Variants in CNTNAP5 observed in about 807,000 individuals in gnomAD.
CNTNAP5 encodes contactin-associated protein-like 5.
CNTNAP5 carries 72 observed loss-of-function variants against 150.2 expected under a neutral mutation model. The observed-to-expected ratio is 0.48, with a 90% CI of 0.40 to 0.58. The LOEUF is 0.58. Ranked by LOEUF, CNTNAP5 falls within the 20% of genes least tolerant of loss-of-function variation. The probability of loss-of-function intolerance (pLI) is 0.00; values close to 1 mark genes in which losing one functional copy is unlikely to be tolerated. For missense variants in CNTNAP5, 1,636 were observed against 1,626.2 expected (o/e 1.01, Z -0.10); for synonymous variants, 672 against 619.8 (o/e 1.08, Z -1.25).
intron 10 of CNTNAP5, among the ~76,000 whole-genome samples, chr2:124,545,773 A>G (rs953252258): frequency 5.3e-5 from 8 of 152,094 alleles, no homozygotes; most frequent in Admixed American, 1.3e-4. Context: ...CTTCAAAGCT[A>G]AGGATGGGTT....
intron 12 of CNTNAP5, among the ~76,000 whole-genome samples, chr2:124,628,823 C>G (rs1677785022): frequency 6.6e-6 from 1 of 152,158 alleles, no homozygotes; most frequent in Non-Finnish European, 1.5e-5. Flanking sequence ...AGACACATCT[C>G]ATGTCCAAAG....
At chr2:124,040,901 G>A (rs1681353834) in intron 1 of CNTNAP5, among the ~76,000 whole-genome samples, 1 of 152,132 alleles carries the variant, frequency 6.6e-6, no homozygotes, top group African/African-American at 2.4e-5. Flanking sequence ...TGTTGTATAT[G>A]AGTGGAATTC....
At chr2:124,429,078 C>A (rs1004499057) in intron 4 of CNTNAP5, among the ~76,000 whole-genome samples, 3 of 152,066 alleles carry the variant, frequency 2.0e-5, no homozygotes, top group Non-Finnish European at 2.9e-5. Context: ...AAAGAGATAT[C>A]CAGAAAAAGT....
intron 8 of CNTNAP5, among the ~76,000 whole-genome samples, chr2:124,518,350 A>G (rs1310552550): frequency 6.6e-6 from 1 of 152,234 alleles, no homozygotes; most frequent in Non-Finnish European, 1.5e-5. Flanking sequence ...AATTTCTGAC[A>G]TAAGTAGACA....
At chr2:124,069,238 CGAT>C (rs1682239901) in intron 1 of CNTNAP5, among the ~76,000 whole-genome samples, 2 of 152,130 alleles carry the variant, frequency 1.3e-5, no homozygotes, top group African/African-American at 4.8e-5. Flanking sequence ...ATGGTGGCCA[CGAT>C]GAGACTCCTC....
intron 13 of CNTNAP5, among the ~76,000 whole-genome samples, chr2:124,708,082 T>C (rs1679730752): frequency 6.6e-6 from 1 of 152,212 alleles, no homozygotes; most frequent in African/African-American, 2.4e-5. Flanking sequence ...TATTTACAAC[T>C]AGGCTTATGA....
chr2:124,385,242 C>T (rs1445577651), intron 3 of CNTNAP5, among the ~76,000 whole-genome samples: 4 of 152,094 alleles, frequency 2.6e-5, no homozygotes, highest in South Asian at 2.1e-4. Context: ...TTTGTTTTTA[C>T]GGCAGGCATT....
intron 2 of CNTNAP5, among the ~76,000 whole-genome samples, chr2:124,234,927 T>C (rs1393051664): frequency 6.6e-6 from 1 of 152,190 alleles, no homozygotes; most frequent in African/African-American, 2.4e-5. Flanking sequence ...TTCGTGCTCA[T>C]ATGCCTCAGA....
chr2:124,269,984 A>G (rs1481083148), intron 3 of CNTNAP5, among the ~76,000 whole-genome samples: 2 of 152,174 alleles, frequency 1.3e-5, no homozygotes, highest in African/African-American at 4.8e-5. Context: ...AAAGCATAAC[A>G]GTTCTTATAT....
chr2:124,712,447 G>C (rs564037729), intron 13 of CNTNAP5, among the ~76,000 whole-genome samples: 1 of 152,192 alleles, frequency 6.6e-6, no homozygotes, highest in Non-Finnish European at 1.5e-5. Flanking sequence ...TGCCTGATTT[G>C]GAGCTCTGCT....
At chr2:124,514,698 A>G (rs1475604193) in intron 8 of CNTNAP5, among the ~76,000 whole-genome samples, 1 of 152,200 alleles carries the variant, frequency 6.6e-6, no homozygotes, top group Non-Finnish European at 1.5e-5. Flanking sequence ...AAGACTTTCT[A>G]GAGGTGGGGA....
chr2:124,912,868 T>C (rs1678684655), intron 23 of CNTNAP5, among the ~76,000 whole-genome samples: 1 of 152,040 alleles, frequency 6.6e-6, no homozygotes. Flanking sequence ...TCCTATTTCA[T>C]CTCTTAATGC....
At chr2:124,754,002 TC>T (rs778843650) in intron 14 of CNTNAP5, among the ~76,000 whole-genome samples, 2 of 152,182 alleles carry the variant, frequency 1.3e-5, no homozygotes, top group African/African-American at 2.4e-5. Context: ...GGCCCTGCAT[TC>T]CCTTCCCATG....
intron 2 of CNTNAP5, among the ~76,000 whole-genome samples, chr2:124,237,077 C>T (rs769329551): frequency 4.1e-4 from 63 of 151,926 alleles, no homozygotes; most frequent in Admixed American, 7.2e-4. Context: ...TGCAGTGAGC[C>T]GAAATCACGC....
chr2:124,058,640 T>G (rs775209731), intron 1 of CNTNAP5, among the ~76,000 whole-genome samples: 8 of 152,178 alleles, frequency 5.3e-5, no homozygotes, highest in Admixed American at 2.6e-4. Flanking sequence ...TGCCTGTCGT[T>G]GTCATCAGCC....
intron 1 of CNTNAP5, among the ~76,000 whole-genome samples, chr2:124,207,054 G>T (rs1243512094): frequency 6.6e-6 from 1 of 152,118 alleles, no homozygotes; most frequent in Non-Finnish European, 1.5e-5. Flanking sequence ...CATTTTCTTA[G>T]TATGCTGAAT....
intron 3 of CNTNAP5, among the ~76,000 whole-genome samples, chr2:124,386,789 A>G (rs967316348): frequency 6.6e-6 from 1 of 151,432 alleles, no homozygotes; most frequent in Non-Finnish European, 1.5e-5. Flanking sequence ...AAAAATTGCC[A>G]CTCCTCTGCA....
chr2:124,830,717 C>A (rs564171326), intron 19 of CNTNAP5, among the ~76,000 whole-genome samples: 2 of 152,072 alleles, frequency 1.3e-5, no homozygotes, highest in African/African-American at 4.8e-5. Context: ...AATTGTTTTT[C>A]TGGACCTTCA....
chr2:124,603,335 A>G (rs1343793701), intron 11 of CNTNAP5, among the ~76,000 whole-genome samples: 1 of 152,078 alleles, frequency 6.6e-6, no homozygotes, highest in Admixed American at 6.6e-5. Flanking sequence ...TTGTGGCAAG[A>G]ATGTGTTTTA....
Sources: allele counts gnomAD v4.1 joint callset (sites outside exome capture counted in the v4.1 genomes callset), GRCh38; gene constraint gnomAD v4.1.1; transcripts MANE v1.5; gene names NCBI Gene and HGNC (gene_info 2026-07-23, HGNC 2026-07-21).